CAMKMT: variants seen among roughly 807,000 people sequenced by gnomAD.
CAMKMT encodes the protein CaM KMT.
In CAMKMT, 53 loss-of-function variants were observed where a neutral mutation model predicts 48.0. The observed-to-expected ratio is 1.10, with a 90% confidence interval of 0.89 to 1.39. The LOEUF is 1.39. Ranked by LOEUF, CAMKMT falls within the 40% of genes most tolerant of loss-of-function variation. The pLI is 0.00. For missense variants in CAMKMT, 428 were observed against 402.7 expected (o/e 1.06, Z -0.54); for synonymous variants, 165 against 152.3 (o/e 1.08, Z -0.61).
intron 3 of CAMKMT, among the ~76,000 whole-genome samples, chr2:44,556,293 C>A (rs1050696345): frequency 4.0e-5 from 6 of 151,796 alleles, no homozygotes; most frequent in Admixed American, 2.0e-4. Flanking sequence ...TGGCTGCCAC[C>A]ACACCTGGCT....
intron 3 of CAMKMT, among the ~76,000 whole-genome samples, chr2:44,693,063 C>A (rs1159200538): frequency 6.6e-6 from 1 of 152,130 alleles, no homozygotes; most frequent in Non-Finnish European, 1.5e-5. Context: ...GTCAGTGTAC[C>A]TTCTAAATAT....
chr2:44,561,855 G>A (rs1040006176), intron 3 of CAMKMT, among the ~76,000 whole-genome samples: 119 of 152,206 alleles, frequency 7.8e-4, no homozygotes, highest in African/African-American at 2.8e-3. Context: ...GTCTGTAAGA[G>A]TCTTTGAGGA....
chr2:44,659,982 G>A (rs115274382), intron 3 of CAMKMT, among the ~76,000 whole-genome samples: 265 of 152,134 alleles, frequency 1.7e-3, no homozygotes, highest in Non-Finnish European at 2.9e-3. Flanking sequence ...TTGTTTATAT[G>A]AGTTATATCT....
chr2:44,387,440 G>A (rs902651558), intron 2 of CAMKMT, among the ~76,000 whole-genome samples: 2 of 151,998 alleles, frequency 1.3e-5, no homozygotes, highest in African/African-American at 4.8e-5. Context: ...GCAGCAGATA[G>A]TTGGTTGGTG....
At chr2:44,557,347 C>T (rs1668069773) in intron 3 of CAMKMT, among the ~76,000 whole-genome samples, 1 of 151,706 alleles carries the variant, frequency 6.6e-6, no homozygotes, top group African/African-American at 2.4e-5. Context: ...GGAAATAAAA[C>T]TAACACATGA....
intron 3 of CAMKMT, among the ~76,000 whole-genome samples, chr2:44,476,371 G>A (rs1348955001): frequency 6.6e-6 from 1 of 152,006 alleles, no homozygotes; most frequent in African/African-American, 2.4e-5. Context: ...CTACAGTTTT[G>A]CATAGTATAA....
chr2:44,541,770 CAA>C lies in CAMKMT; in HGVS notation c.376+151480_376+151481del, dbSNP rs34738217. 4.8e-3 allele frequency among the ~76,000 whole-genome samples: 320 copies of C among 67,190 alleles called. 1 individual carries two copies. The highest frequency in any genetic ancestry group is 0.014 in the African/African-American group (291 of 20,754). 44.1% of individuals were successfully genotyped at this position (67,190 alleles called of 152,430 possible). On this transcript the variant is annotated intron_variant, in intron 3 of 10. Transcript: ENST00000378494. The stretch of plus-strand genomic sequence containing the variant: ...TGGGTGGCAGAGTGAAACTCTGTCT[CAA>C]AAAAAAAAAAAAAAGGATACATATA...
chr2:44,487,009 T>C (rs1028047022), intron 3 of CAMKMT, among the ~76,000 whole-genome samples: 1 of 152,272 alleles, frequency 6.6e-6, no homozygotes, highest in Non-Finnish European at 1.5e-5. Context: ...TTTTGGAACA[T>C]GTAATTCTTA....
At chr2:44,362,601 G>T (rs1290172311) in intron 1 of CAMKMT, among the ~76,000 whole-genome samples, 1 of 152,178 alleles carries the variant, frequency 6.6e-6, no homozygotes, top group African/African-American at 2.4e-5. Context: ...GGTTGACTAT[G>T]CCGGGACTGA....
chr2:44,489,446 A>G (rs749877116), intron 3 of CAMKMT, among the ~76,000 whole-genome samples: 1 of 151,916 alleles, frequency 6.6e-6, no homozygotes, highest in South Asian at 2.1e-4. Context: ...GGGTTTCACC[A>G]TGTTGGTCAG....
intron 10 of CAMKMT, among the ~76,000 whole-genome samples, chr2:44,770,293 C>T (rs1264019553): frequency 6.6e-6 from 1 of 152,242 alleles, no homozygotes; most frequent in Admixed American, 6.5e-5. Context: ...GTTGTCAGCT[C>T]TTCCCCATTG....
chr2:44,652,678 G>A (rs1024371702), intron 3 of CAMKMT, among the ~76,000 whole-genome samples: 4 of 152,206 alleles, frequency 2.6e-5, no homozygotes, highest in East Asian at 1.9e-4. Flanking sequence ...CTGGTTTAAC[G>A]TGAAACAATC....
chr2:44,737,518 A>G (rs1679419935), intron 7 of CAMKMT, among the ~76,000 whole-genome samples: 1 of 152,128 alleles, frequency 6.6e-6, no homozygotes, highest in African/African-American at 2.4e-5. Flanking sequence ...TACTATTGAG[A>G]CAAGACCCTT....
At chr2:44,606,660 G>T (rs1671300714) in intron 3 of CAMKMT, among the ~76,000 whole-genome samples, 1 of 151,934 alleles carries the variant, frequency 6.6e-6, no homozygotes, top group Non-Finnish European at 1.5e-5. Flanking sequence ...TTTTTATCAT[G>T]TTCTTACCTT....
chr2:44,764,653 C>A (rs997882568), intron 9 of CAMKMT, among the ~76,000 whole-genome samples: 1 of 152,206 alleles, frequency 6.6e-6, no homozygotes, highest in Non-Finnish European at 1.5e-5. Context: ...TAAGTCCAGT[C>A]CTTTCTGCCA....
At chr2:44,506,938 A>C (rs1670290522) in intron 3 of CAMKMT, among the ~76,000 whole-genome samples, 2 of 152,236 alleles carry the variant, frequency 1.3e-5, no homozygotes, top group Non-Finnish European at 2.9e-5. Context: ...TATGTGACGG[A>C]ATGGCAAACA....
rs75334739 is a variant in CAMKMT at position 44,392,316 on chromosome 2, G to T, written c.376+2011G>T. Among the ~76,000 whole-genome samples the T allele has an allele frequency of 2.0e-5, 3 of 152,100 alleles. No homozygotes were observed. The South Asian group carries it at 6.2e-4, about 32-fold the overall frequency. Reference sequence around the variant, plus strand: ...GACCTCTTAAAATATGTTGTTTTGTGTACCTTTTATGTTTACTTTTTATTT... The same window carrying T: ...GACCTCTTAAAATATGTTGTTTTGTTTACCTTTTATGTTTACTTTTTATTT... On this transcript the variant is annotated intron_variant, in intron 3 of 10. Transcript: ENST00000378494.
At chr2:44,568,082 A>G (rs922953932) in intron 3 of CAMKMT, among the ~76,000 whole-genome samples, 1 of 152,130 alleles carries the variant, frequency 6.6e-6, no homozygotes, top group Non-Finnish European at 1.5e-5. Flanking sequence ...TGATCAAAGC[A>G]TGCAACCTTG....
At chr2:44,725,443 A>G (rs373283746) in intron 7 of CAMKMT, among the ~76,000 whole-genome samples, 1 of 152,152 alleles carries the variant, frequency 6.6e-6, no homozygotes, top group Non-Finnish European at 1.5e-5. Context: ...AGATGTCCAG[A>G]CAAGAGATGG....
Sources: allele counts gnomAD v4.1 joint callset (sites outside exome capture counted in the v4.1 genomes callset), GRCh38; gene constraint gnomAD v4.1.1; transcripts MANE v1.5; gene names NCBI Gene and HGNC (gene_info 2026-07-23, HGNC 2026-07-21).